WDPCP: variants seen among roughly 807,000 people sequenced by gnomAD.
WDPCP encodes WD repeat-containing and planar cell polarity effector protein fritz homolog.
Under a neutral mutation model 93.1 loss-of-function variants are expected in WDPCP, and 71 were observed. The ratio of observed to expected loss-of-function variants is 0.76; its 90% CI spans 0.63 to 0.93. The LOEUF is 0.93. Ranked by LOEUF, WDPCP falls within the 40% of genes least tolerant of loss-of-function variation. The probability of loss-of-function intolerance (pLI) is 0.00; values close to 1 mark genes in which losing one functional copy is unlikely to be tolerated. For missense variants in WDPCP, 844 were observed against 887.4 expected (o/e 0.95, Z 0.62); for synonymous variants, 315 against 315.0 (o/e 1.00, Z 0.00).
At chr2:63,284,979 T>A (rs767685758) in intron 13 of WDPCP, among the ~76,000 whole-genome samples, 1 of 151,752 alleles carries the variant, frequency 6.6e-6, no homozygotes, top group Non-Finnish European at 1.5e-5. Context: ...AGAAGGTAAA[T>A]TGGAATACCA....
chr2:63,797,973 C>G (rs1670640307), intron 2 of WDPCP, among the ~76,000 whole-genome samples: 1 of 152,180 alleles, frequency 6.6e-6, no homozygotes, highest in Admixed American at 6.5e-5. Flanking sequence ...TCCAATATGT[C>G]TGGCAGAAGA....
intron 12 of WDPCP, among the ~76,000 whole-genome samples, chr2:63,319,529 T>A (rs1686926417): frequency 6.6e-6 from 1 of 152,220 alleles, no homozygotes; most frequent in South Asian, 2.1e-4. Context: ...TACAAAGTTA[T>A]ATTTATTGGA....
chr2:63,739,497 T>A (rs1013847973), intron 2 of WDPCP, among the ~76,000 whole-genome samples: 1 of 152,160 alleles, frequency 6.6e-6, no homozygotes, highest in African/African-American at 2.4e-5. Flanking sequence ...TTCGGATGCA[T>A]ATATCTTCAT....
At chr2:63,679,621 G>A (rs1710464586) in intron 2 of WDPCP, among the ~76,000 whole-genome samples, 1 of 152,156 alleles carries the variant, frequency 6.6e-6, no homozygotes, top group African/African-American at 2.4e-5. Flanking sequence ...CCTGAGGGCT[G>A]AGCAGTTAGT....
At chr2:63,492,503 ATTAT>A (rs1240023015) in intron 2 of WDPCP, among the ~76,000 whole-genome samples, 1 of 151,700 alleles carries the variant, frequency 6.6e-6, no homozygotes, top group East Asian at 1.9e-4. Context: ...AATAAATTTT[ATTAT>A]TTATTTATTA....
intron 13 of WDPCP, among the ~76,000 whole-genome samples, chr2:63,272,469 G>T (rs946466857): frequency 3.9e-5 from 6 of 152,130 alleles, no homozygotes; most frequent in Non-Finnish European, 7.3e-5. Flanking sequence ...ACTGTCAAAA[G>T]AACATAATAA....
At chr2:63,184,595 T>C (rs1429201682) in intron 14 of WDPCP, among the ~76,000 whole-genome samples, 1 of 152,132 alleles carries the variant, frequency 6.6e-6, no homozygotes, top group African/African-American at 2.4e-5. Flanking sequence ...GTTAGTCTGA[T>C]GGAGCTTCCT....
intron 6 of WDPCP, among the ~76,000 whole-genome samples, chr2:63,481,139 C>T (rs1168953617): frequency 2.0e-5 from 3 of 151,814 alleles, no homozygotes; most frequent in Non-Finnish European, 4.4e-5. Flanking sequence ...CATGGAAAAA[C>T]GCTCAATATC....
At chr2:63,798,420 G>A (rs1432151890) in intron 2 of WDPCP, among the ~76,000 whole-genome samples, 1 of 152,066 alleles carries the variant, frequency 6.6e-6, no homozygotes. Context: ...AAAAGCAGGG[G>A]GAAGAAGTTA....
At chr2:63,346,411 G>A (rs1689192817) in intron 12 of WDPCP, among the ~76,000 whole-genome samples, 2 of 152,146 alleles carry the variant, frequency 1.3e-5, no homozygotes, top group Non-Finnish European at 2.9e-5. Context: ...GGTGGATAGT[G>A]GAGATCTTGA....
chr2:63,820,541 G>A (rs1671002450), intron 1 of WDPCP, among the ~76,000 whole-genome samples: 1 of 152,162 alleles, frequency 6.6e-6, no homozygotes, highest in Admixed American at 6.6e-5. Context: ...AGACAGTCTT[G>A]ACAAACCTAT....
At chr2:63,656,478 A>C (rs262507) in intron 2 of WDPCP, among the ~76,000 whole-genome samples, 120,975 of 152,220 alleles carry the variant, frequency 0.79, 48,531 homozygotes, top group East Asian at 0.98. Flanking sequence ...GGCCATGGAA[A>C]CTGACTGGAA....
chr2:63,813,931 T>C (rs1292065257), intron 1 of WDPCP, among the ~76,000 whole-genome samples: 1 of 152,258 alleles, frequency 6.6e-6, no homozygotes, highest in Non-Finnish European at 1.5e-5. Flanking sequence ...AATACCAATG[T>C]ATTCCATATC....
intron 2 of WDPCP, among the ~76,000 whole-genome samples, chr2:63,718,285 G>C (rs2103776984): frequency 6.6e-6 from 1 of 152,202 alleles, no homozygotes; most frequent in African/African-American, 2.4e-5. Flanking sequence ...TAGTGAGATT[G>C]CTGGATCAAG....
At chr2:63,734,869 A>G (rs1160536881) in intron 2 of WDPCP, among the ~76,000 whole-genome samples, 2 of 128,054 alleles carry the variant, frequency 1.6e-5, no homozygotes, top group African/African-American at 3.6e-5. Flanking sequence ...AGATAGATAG[A>G]TAGACAGACA....
At chr2:63,625,108 G>T (rs567398103) in intron 3 of WDPCP, among the ~76,000 whole-genome samples, 1 of 152,206 alleles carries the variant, frequency 6.6e-6, no homozygotes, top group South Asian at 2.1e-4. Context: ...TGCAGAAAAG[G>T]CCTTTGGTAA....
chr2:63,726,931 C>G (rs1020241872), intron 2 of WDPCP, among the ~76,000 whole-genome samples: 25 of 152,074 alleles, frequency 1.6e-4, no homozygotes, highest in African/African-American at 5.3e-4. Flanking sequence ...TTTATCAGAT[C>G]TAGGAAAGTC....
chr2:63,225,184 T>G (rs1678181614), intron 14 of WDPCP, among the ~76,000 whole-genome samples: 1 of 151,956 alleles, frequency 6.6e-6, no homozygotes, highest in Admixed American at 6.6e-5. Context: ...AAGGAATATA[T>G]GAAGAACTCT....
chr2:63,257,023 G>T (rs1257875057), intron 14 of WDPCP, among the ~76,000 whole-genome samples: 1 of 152,118 alleles, frequency 6.6e-6, no homozygotes, highest in African/African-American at 2.4e-5. Flanking sequence ...GAAATTCATT[G>T]AGTCACATGC....
Sources: gnomAD v4.1 joint callset for allele counts (sites outside exome capture counted in the v4.1 genomes callset) on GRCh38, gnomAD v4.1.1 for gene constraint, MANE v1.5 for transcripts, NCBI Gene and HGNC (gene_info 2026-07-23, HGNC 2026-07-21) for gene names.